Variants in RBFOX1 observed in about 807,000 individuals in gnomAD.
RBFOX1 encodes the protein RNA binding fox-1 homolog 1.
RBFOX1 carries 8 observed loss-of-function variants against 57.7 expected under a neutral mutation model. That is an observed-to-expected ratio of 0.14 (90% CI 0.08 to 0.25). The LOEUF (loss-of-function observed/expected upper bound fraction) is 0.25, where lower values mean the gene tolerates loss of function less well. Ranked by LOEUF, RBFOX1 falls within the 10% of genes least tolerant of loss-of-function variation. RBFOX1 has a pLI of 1.00. For synonymous variants in RBFOX1, 326 were observed against 222.4 expected, an observed-to-expected ratio of 1.47 and a Z score of -4.15; for missense variants, 611 against 548.5, an observed-to-expected ratio of 1.11 and a Z score of -1.14.
At chr16:6,880,124 G>A (rs148633611) in intron 3 of RBFOX1, among the ~76,000 whole-genome samples, 2 of 152,098 alleles carry the variant, frequency 1.3e-5, no homozygotes, top group Non-Finnish European at 2.9e-5. Context: ...GTTACTTCTT[G>A]TCAGTGGCTG....
chr16:6,696,825 T>G (rs965358302), intron 3 of RBFOX1, among the ~76,000 whole-genome samples: 1 of 152,228 alleles, frequency 6.6e-6, no homozygotes. Flanking sequence ...AACATTTACA[T>G]TGATTTTCTT....
At chr16:7,481,878 G>T (rs11865295) in intron 4 of RBFOX1, among the ~76,000 whole-genome samples, 2 of 151,962 alleles carry the variant, frequency 1.3e-5, no homozygotes, top group Non-Finnish European at 2.9e-5. Context: ...ATCTAACACA[G>T]AGGCTATCTT....
chr16:5,259,621 G>A (rs2062682337), intron 1 of RBFOX1, among the ~76,000 whole-genome samples: 1 of 152,130 alleles, frequency 6.6e-6, no homozygotes, highest in Non-Finnish European at 1.5e-5. Context: ...AGCGTGTGTT[G>A]GTAAGTGAGA....
intron 3 of RBFOX1, among the ~76,000 whole-genome samples, chr16:6,800,824 A>G (rs1045344539): frequency 1.3e-4 from 20 of 152,142 alleles, no homozygotes; most frequent in Non-Finnish European, 2.5e-4. Flanking sequence ...CTGTATAAAT[A>G]GCATACAAAA....
intron 3 of RBFOX1, among the ~76,000 whole-genome samples, chr16:6,837,050 AG>A (rs1484959439): frequency 1.4e-4 from 21 of 152,202 alleles, no homozygotes; most frequent in Non-Finnish European, 2.5e-4. Context: ...AGCCCAGGAC[AG>A]GGTAAGGATG....
chr16:5,701,793 G>A (rs1254844784), intron 3 of RBFOX1, among the ~76,000 whole-genome samples: 4 of 152,134 alleles, frequency 2.6e-5, no homozygotes, highest in African/African-American at 9.7e-5. Context: ...TGGCATCCTT[G>A]AAAAATAGGT....
chr16:5,905,314 A>C (rs1391299117), intron 4 of RBFOX1, among the ~76,000 whole-genome samples: 1 of 151,834 alleles, frequency 6.6e-6, no homozygotes, highest in African/African-American at 2.4e-5. Flanking sequence ...CGGCCTCCCA[A>C]AGTGCTAGGA....
At chr16:5,632,192 C>G (rs949714702) in intron 3 of RBFOX1, among the ~76,000 whole-genome samples, 6 of 152,188 alleles carry the variant, frequency 3.9e-5, no homozygotes, top group Non-Finnish European at 8.8e-5. Context: ...ATTCAGTATA[C>G]TAAAAATAAT....
chr16:6,791,290 TC>T (rs1195843405), intron 3 of RBFOX1, among the ~76,000 whole-genome samples: 1 of 152,228 alleles, frequency 6.6e-6, no homozygotes. Flanking sequence ...AAATTGCTTT[TC>T]TTTTTTAATA....
intron 3 of RBFOX1, among the ~76,000 whole-genome samples, chr16:5,828,906 T>C (rs1420597424): frequency 6.6e-6 from 1 of 152,152 alleles, no homozygotes; most frequent in Non-Finnish European, 1.5e-5. Flanking sequence ...CAACATCACT[T>C]ACCGTTTCAC....
chr16:6,649,389 T>C (rs2098558216), intron 2 of RBFOX1, among the ~76,000 whole-genome samples: 1 of 152,180 alleles, frequency 6.6e-6, no homozygotes, highest in Non-Finnish European at 1.5e-5. Context: ...TCAGTAGGTT[T>C]CTGGGGAACA....
intron 3 of RBFOX1, among the ~76,000 whole-genome samples, chr16:5,766,543 T>A (rs1208238174): frequency 6.6e-6 from 1 of 151,986 alleles, no homozygotes; most frequent in Non-Finnish European, 1.5e-5. Context: ...CGAGATCACA[T>A]CACTGTACTC....
At chr16:5,523,839 C>A (rs953248854) in intron 2 of RBFOX1, among the ~76,000 whole-genome samples, 1 of 152,118 alleles carries the variant, frequency 6.6e-6, no homozygotes, top group Admixed American at 6.6e-5. Context: ...GCCGCAGCGG[C>A]CCCTGGAGGA....
chr16:7,632,140 C>G (rs188698699), intron 11 of RBFOX1, among the ~76,000 whole-genome samples: 1 of 152,128 alleles, frequency 6.6e-6, no homozygotes, highest in East Asian at 1.9e-4. Flanking sequence ...AAGTCCTGAC[C>G]TCAGATGATC....
intron 14 of RBFOX1, among the ~76,000 whole-genome samples, chr16:7,695,649 CAAAAAAA>C (rs34363093): frequency 9.1e-5 from 9 of 98,372 alleles, no homozygotes; most frequent in South Asian, 3.7e-4. Flanking sequence ...AAGCCTCCAT[CAAAAAAA>C]AAAAAAAAAA....
At chr16:7,205,873 G>A (rs554665914) in intron 4 of RBFOX1, among the ~76,000 whole-genome samples, 1 of 152,204 alleles carries the variant, frequency 6.6e-6, no homozygotes, top group African/African-American at 2.4e-5. Context: ...TCTGCTTAAC[G>A]CATCCAAAGC....
intron 3 of RBFOX1, among the ~76,000 whole-genome samples, chr16:6,870,708 A>G (rs2060713550): frequency 6.6e-6 from 1 of 152,230 alleles, no homozygotes; most frequent in Non-Finnish European, 1.5e-5. Context: ...TATTTGGTTC[A>G]GTAATGTTGA....
intron 3 of RBFOX1, among the ~76,000 whole-genome samples, chr16:6,980,959 CT>C (rs910539153): frequency 1.4e-5 from 2 of 139,656 alleles, no homozygotes; most frequent in Admixed American, 1.5e-4. Context: ...ATGAGAATCC[CT>C]TGAACCTGGG....
At chr16:6,969,530 T>A (rs2085048138) in intron 3 of RBFOX1, among the ~76,000 whole-genome samples, 1 of 151,620 alleles carries the variant, frequency 6.6e-6, no homozygotes, top group Non-Finnish European at 1.5e-5. Flanking sequence ...AGCTCGGGAG[T>A]TTGAGACCAC....
Sources: gnomAD v4.1 joint callset for allele counts (sites outside exome capture counted in the v4.1 genomes callset) on GRCh38, gnomAD v4.1.1 for gene constraint, MANE v1.5 for transcripts, NCBI Gene and HGNC (gene_info 2026-07-23, HGNC 2026-07-21) for gene names.